LRBA: variants seen among roughly 807,000 people sequenced by gnomAD.
LRBA encodes LPS responsive beige-like anchor protein, also known as lipopolysaccharide-responsive and beige-like anchor protein.
Under a neutral mutation model 330.0 loss-of-function variants are expected in LRBA, and 176 were observed. The observed-to-expected ratio is 0.53, with a 90% CI of 0.47 to 0.60. The LOEUF is 0.60. Among genes scored for constraint, LRBA ranks in the 20% least tolerant of loss-of-function variants. LRBA has a pLI of 0.00. For synonymous variants in LRBA, 1,230 were observed against 1,193.0 expected (o/e 1.03, Z -0.64); for missense variants, 3,259 against 3,444.8 (o/e 0.95, Z 1.35).
At chr4:150,878,768 A>G (rs1380587743) in intron 17 of LRBA, among the ~76,000 whole-genome samples, 1 of 152,068 alleles carries the variant, frequency 6.6e-6, no homozygotes, top group East Asian at 1.9e-4. Context: ...AGAAACACAA[A>G]ATCAGGAAGA....
rs138897796 is a variant in LRBA, at chr4:150,302,755, G to A, written c.7887C>T (p.Val2629=). ...ACTCAGAACGAGCAAGGCAAGTGAC[G>A]ACATCCCAATGGCCAAACACCACTT... The part of the protein sequence containing the change: ...LIQVVFGHWD[V]VTCLARSESY... Residue 2629 remains valine, a synonymous_variant, in exon 53 of 57, where the codon GTC becomes GTT. Coordinates refer to ENST00000651943, the MANE Select transcript of LRBA (RefSeq NM_001364905.1). 3.3e-5 allele frequency: 53 copies of A among 1,608,086 alleles called. No individual in the cohort carries two copies. Among genetic ancestry groups the A allele is most frequent in the African/African-American group, 9.4e-5 (7 of 74,674 alleles).
At chr4:150,959,944 G>T (rs1737956396) in intron 2 of LRBA, among the ~76,000 whole-genome samples, 1 of 144,990 alleles carries the variant, frequency 6.9e-6, no homozygotes, top group African/African-American at 2.7e-5. Context: ...TAAGAAACAG[G>T]GTCTTCCCAT....
At chr4:150,984,668 T>C (rs1353105812) in intron 2 of LRBA, among the ~76,000 whole-genome samples, 1 of 152,246 alleles carries the variant, frequency 6.6e-6, no homozygotes, top group Non-Finnish European at 1.5e-5. Context: ...TGTGCTAACA[T>C]GTACATTTCC....
At chr4:150,681,966 C>A (rs1285475383) in intron 37 of LRBA, among the ~76,000 whole-genome samples, 2 of 152,018 alleles carry the variant, frequency 1.3e-5, no homozygotes, top group East Asian at 1.9e-4. Context: ...CCTTTTGATA[C>A]CACATGTATA....
intron 2 of LRBA, among the ~76,000 whole-genome samples, chr4:150,982,361 T>C (rs570267919): frequency 7.4e-4 from 113 of 152,258 alleles, no homozygotes; most frequent in African/African-American, 2.6e-3. Flanking sequence ...CTTTAAAGCT[T>C]CAAAAACTAA....
chr4:150,951,424 A>G (rs1400000628), intron 2 of LRBA, among the ~76,000 whole-genome samples: 1 of 152,208 alleles, frequency 6.6e-6, no homozygotes, highest in Non-Finnish European at 1.5e-5. Context: ...CTGAAATAAA[A>G]GTGACACATT....
chr4:150,990,126 G>A (rs959485042), intron 2 of LRBA, among the ~76,000 whole-genome samples: 2 of 152,004 alleles, frequency 1.3e-5, no homozygotes, highest in Non-Finnish European at 2.9e-5. Context: ...CTGTAAGGGT[G>A]GATATCTTGA....
chr4:150,703,706 T>C (rs1175877717), intron 36 of LRBA, among the ~76,000 whole-genome samples: 2 of 152,102 alleles, frequency 1.3e-5, no homozygotes, highest in Non-Finnish European at 2.9e-5. Context: ...TACATGATTG[T>C]AATAAGAGAA....
At chr4:150,967,601 T>G (rs1384788373) in intron 2 of LRBA, among the ~76,000 whole-genome samples, 2 of 152,252 alleles carry the variant, frequency 1.3e-5, no homozygotes, top group Non-Finnish European at 2.9e-5. Flanking sequence ...GATACAGCAT[T>G]TTTTACAAAT....
intron 38 of LRBA, among the ~76,000 whole-genome samples, chr4:150,595,343 A>T (rs1302700284): frequency 6.6e-6 from 1 of 151,978 alleles, no homozygotes; most frequent in African/African-American, 2.4e-5. Context: ...TTGATCCTAA[A>T]AAGGAAGCAA....
In LRBA at chr4:150,750,942, C is replaced by A. The variant is rs936686938; in HGVS notation, c.5645+10841G>T. 4.0e-5 allele frequency among the ~76,000 whole-genome samples: 6 copies of A among 148,364 alleles called. No homozygotes were observed. In the East Asian group the frequency reaches 7.9e-4, roughly 20 times the overall value. On this transcript the variant is annotated intron_variant, in intron 35 of 56. Coordinates refer to ENST00000651943, the MANE Select transcript of LRBA (RefSeq NM_001364905.1). ...AAAAAAAAAAAAGGACTAAAAAAAT[C>A]TTTTGCTTCTTTTTATTTTAATAAA...
At chr4:150,311,608 T>C (rs972527783) in intron 51 of LRBA, among the ~76,000 whole-genome samples, 2 of 152,162 alleles carry the variant, frequency 1.3e-5, no homozygotes, top group Non-Finnish European at 2.9e-5. Flanking sequence ...CACGTACACA[T>C]ACATGTGCAA....
intron 5 of LRBA, 97 bp from the exon 6 acceptor site, chr4:150,916,835 A>G (rs1027522384): frequency 5.6e-6 from 5 of 899,820 alleles, no homozygotes; most frequent in Non-Finnish European, 8.1e-6. Flanking sequence ...TATTTGTACT[A>G]CATCACATTA....
At chr4:150,292,164 C>T (rs757098303) in intron 53 of LRBA, among the ~76,000 whole-genome samples, 19 of 152,204 alleles carry the variant, frequency 1.2e-4, no homozygotes, top group Non-Finnish European at 2.6e-4. Context: ...CTTAAAATTA[C>T]ACCTGAAAGA....
At position 150,806,020 on chromosome 4, in the gene LRBA, CAAA is replaced by C. The variant is rs10566622; in HGVS notation, c.5518+248_5518+250del. Reference sequence around the variant, plus strand: ...GCTCTCAAAATTAATTTTAATGTATCAAAAAAAAAAAAAAGTCTTAGTTCTTTG... The same window carrying C: ...GCTCTCAAAATTAATTTTAATGTATCAAAAAAAAAAAGTCTTAGTTCTTTG... On this transcript the variant is annotated intron_variant, in intron 33 of 56. Transcript: ENST00000651943. 4.2e-3 allele frequency among the ~76,000 whole-genome samples: 618 copies of C among 147,424 alleles called. 5 individuals are homozygous for C. The highest frequency in any genetic ancestry group is 0.014 in the African/African-American group (565 of 40,460).
intron 9 of LRBA, among the ~76,000 whole-genome samples, chr4:150,912,880 G>GT (rs1258289778): frequency 6.6e-6 from 1 of 152,016 alleles, no homozygotes; most frequent in Admixed American, 6.6e-5. Flanking sequence ...ACTGAATCTC[G>GT]TAAGTTTTGG....
intron 17 of LRBA, among the ~76,000 whole-genome samples, chr4:150,882,086 CAA>C (rs773130822): frequency 7.4e-6 from 1 of 135,520 alleles, no homozygotes; most frequent in Non-Finnish European, 1.6e-5. Flanking sequence ...AACTCTGTCT[CAA>C]AAAAAAAAAA....
In LRBA at chr4:150,900,035, C is replaced by T. The variant is rs779494868; in HGVS notation, c.1924+14G>A. 1 of 1,591,540 alleles carries T rather than the reference C, an allele frequency of 6.3e-7. No homozygotes were observed. The highest frequency in any genetic ancestry group is 8.6e-7 in the Non-Finnish European group (1 of 1,164,710). ...GCATTTGTGTAAAGTAATATACAGA[C>T]AGAAATTATATACCTAATCCTTTTG... On this transcript the variant is annotated intron_variant, in intron 14 of 56. Transcript: ENST00000651943.
rs187999578 is a variant in LRBA, at chr4:150,661,425, G to A, written c.5921+22126C>T. Among the ~76,000 whole-genome samples the A allele has an allele frequency of 4.4e-3, 647 of 147,406 alleles. 5 individuals are homozygous for A. Among genetic ancestry groups the A allele is most frequent in the Non-Finnish European group, 7.7e-3 (518 of 67,280 alleles). On this transcript the variant is annotated intron_variant, in intron 37 of 56. Coordinates refer to ENST00000651943, the MANE Select transcript of LRBA (RefSeq NM_001364905.1). ...GCGGAGGTTGCTGTGAGCCGAGATC[G>A]TGCCACTGCCCTCCAGCCTGGGCAA...
Sources: allele counts gnomAD v4.1 joint callset (sites outside exome capture counted in the v4.1 genomes callset), GRCh38; gene constraint gnomAD v4.1.1; transcripts MANE v1.5; gene names NCBI Gene and HGNC (gene_info 2026-07-23, HGNC 2026-07-21).